Variants in PPARGC1A observed in about 807,000 individuals in gnomAD.
PPARGC1A encodes the protein peroxisome proliferator-activated receptor gamma coactivator 1-alpha.
A neutral mutation model predicts 88.7 loss-of-function variants in PPARGC1A; 25 were observed. The ratio of observed to expected loss-of-function variants is 0.28; its 90% CI spans 0.21 to 0.39. The LOEUF (loss-of-function observed/expected upper bound fraction) is 0.39. Among genes scored for constraint, PPARGC1A ranks in the 10% least tolerant of loss-of-function variants. The pLI is 1.00. For missense variants in PPARGC1A, 880 were observed against 968.7 expected (o/e 0.91, Z 1.22); for synonymous variants, 363 against 355.6 (o/e 1.02, Z -0.24).
chr4:23,942,990 A>T, the PPARGC1A span, among the ~76,000 whole-genome samples: 6 of 152,190 alleles, frequency 3.9e-5, no homozygotes, highest in African/African-American at 1.4e-4. Context: ...GTACAATTTG[A>T]ATTGTAGGTA....
At chr4:24,420,538 A>T in the PPARGC1A span, among the ~76,000 whole-genome samples, 1 of 152,268 alleles carries the variant, frequency 6.6e-6, no homozygotes, top group African/African-American at 2.4e-5. Context: ...AGAATGGATC[A>T]TGTCCACACT....
At chr4:24,044,523 A>G in the PPARGC1A span, among the ~76,000 whole-genome samples, 2 of 149,502 alleles carry the variant, frequency 1.3e-5, no homozygotes, top group South Asian at 4.3e-4. Flanking sequence ...ATGCTTCCTA[A>G]CTACCCACCA....
the PPARGC1A span, among the ~76,000 whole-genome samples, chr4:24,186,616 C>T: frequency 6.6e-6 from 1 of 152,096 alleles, no homozygotes; most frequent in Non-Finnish European, 1.5e-5. Flanking sequence ...GGAAGGGCTC[C>T]ATAAACATTT....
chr4:24,449,795 A>T, the PPARGC1A span, among the ~76,000 whole-genome samples: 1 of 152,236 alleles, frequency 6.6e-6, no homozygotes, highest in Non-Finnish European at 1.5e-5. Flanking sequence ...TGCATCTATT[A>T]TAGGTCAACA....
the PPARGC1A span, among the ~76,000 whole-genome samples, chr4:24,123,968 A>AGTTTACT: frequency 6.6e-6 from 1 of 151,882 alleles, no homozygotes; most frequent in Non-Finnish European, 1.5e-5. Flanking sequence ...CATGTTAAAA[A>AGTTTACT]GTTTACTGGA....
the PPARGC1A span, among the ~76,000 whole-genome samples, chr4:23,969,050 A>G: frequency 6.6e-6 from 1 of 152,180 alleles, no homozygotes; most frequent in African/African-American, 2.4e-5. Context: ...TTCTCGCCCC[A>G]CTGGGAGAGT....
At chr4:23,913,048 G>A in the PPARGC1A span, among the ~76,000 whole-genome samples, 2 of 147,494 alleles carry the variant, frequency 1.4e-5, no homozygotes, top group African/African-American at 2.5e-5. Flanking sequence ...CTCGTGATCC[G>A]CCCGCCTCAG....
chr4:24,293,275 C>T, the PPARGC1A span, among the ~76,000 whole-genome samples: 2 of 7,316 alleles, frequency 2.7e-4, no homozygotes, highest in African/African-American at 1.8e-3. Flanking sequence ...CCTCCCTAAC[C>T]CCTCACCCCC....
At chr4:24,028,175 T>C in the PPARGC1A span, among the ~76,000 whole-genome samples, 1 of 152,192 alleles carries the variant, frequency 6.6e-6, no homozygotes, top group Non-Finnish European at 1.5e-5. Flanking sequence ...TTTATTCTCA[T>C]AGTAAGCCTT....
the PPARGC1A span, among the ~76,000 whole-genome samples, chr4:24,337,386 G>A: frequency 2.0e-5 from 3 of 152,320 alleles, no homozygotes; most frequent in East Asian, 5.8e-4. Flanking sequence ...CTGTGCCAGT[G>A]CTGAGGATAT....
At chr4:24,413,180 G>A in the PPARGC1A span, among the ~76,000 whole-genome samples, 3 of 150,710 alleles carry the variant, frequency 2.0e-5, no homozygotes, top group African/African-American at 7.3e-5. Flanking sequence ...GAGTACTGTC[G>A]CTAAGATTCA....
the PPARGC1A span, among the ~76,000 whole-genome samples, chr4:23,912,238 T>G: frequency 6.6e-6 from 1 of 152,234 alleles, no homozygotes; most frequent in South Asian, 2.1e-4. Flanking sequence ...GACAGCTTGT[T>G]GCAGAGTAGG....
chr4:24,133,408 G>T, the PPARGC1A span, among the ~76,000 whole-genome samples: 1 of 152,122 alleles, frequency 6.6e-6, no homozygotes, highest in African/African-American at 2.4e-5. Flanking sequence ...ATGAACTCTT[G>T]CATATTTACA....
chr4:24,274,878 A>G, the PPARGC1A span, among the ~76,000 whole-genome samples: 1 of 152,042 alleles, frequency 6.6e-6, no homozygotes, highest in Non-Finnish European at 1.5e-5. Flanking sequence ...CTAAGGTTAT[A>G]CCCTCCTTGC....
chr4:24,355,303 G>A, the PPARGC1A span, among the ~76,000 whole-genome samples: 19 of 152,156 alleles, frequency 1.2e-4, no homozygotes, highest in African/African-American at 4.6e-4. Context: ...GAGCTAAGCA[G>A]GCAGCAGTGC....
the PPARGC1A span, among the ~76,000 whole-genome samples, chr4:24,041,043 G>A: frequency 6.6e-6 from 1 of 152,182 alleles, no homozygotes; most frequent in African/African-American, 2.4e-5. Context: ...TTGGCAGTGG[G>A]AGAACCGACA....
chr4:24,169,887 C>T, the PPARGC1A span, among the ~76,000 whole-genome samples: 1 of 152,146 alleles, frequency 6.6e-6, no homozygotes, highest in South Asian at 2.1e-4. Context: ...GACACATAAA[C>T]TATTTTACAT....
chr4:24,391,219 G>C, the PPARGC1A span, among the ~76,000 whole-genome samples: 1 of 152,048 alleles, frequency 6.6e-6, no homozygotes, highest in Non-Finnish European at 1.5e-5. Flanking sequence ...CGCAAAATTT[G>C]AGTTTGACTT....
At chr4:24,143,532 A>T in the PPARGC1A span, among the ~76,000 whole-genome samples, 23 of 152,356 alleles carry the variant, frequency 1.5e-4, no homozygotes, top group Non-Finnish European at 2.6e-4. Flanking sequence ...TGAATTGGAA[A>T]AGTATACGAC....
Sources: allele counts gnomAD v4.1 joint callset (sites outside exome capture counted in the v4.1 genomes callset), GRCh38; gene constraint gnomAD v4.1.1; transcripts MANE v1.5; gene names NCBI Gene and HGNC (gene_info 2026-07-23, HGNC 2026-07-21).